The following RAB38 variants were observed in gnomAD, a reference collection of about 807,000 sequenced individuals.
RAB38 encodes the protein RAB38, member RAS oncogene family, also known as ras-related protein Rab-38.
Under a neutral mutation model 18.4 loss-of-function variants are expected in RAB38, and 15 were observed. The ratio of observed to expected loss-of-function variants is 0.82; its 90% CI spans 0.55 to 1.26. RAB38 has a LOEUF of 1.26. Ranked by LOEUF, RAB38 falls within the 50% of genes most tolerant of loss-of-function variation. The pLI is 0.00. For synonymous variants in RAB38, 101 were observed against 104.4 expected, an observed-to-expected ratio of 0.97 and a Z score of 0.20; for missense variants, 294 against 267.4, an observed-to-expected ratio of 1.10 and a Z score of -0.69.
chr11:87,844,499 G>A, the RAB38 span, among the ~76,000 whole-genome samples: 1 of 152,134 alleles, frequency 6.6e-6, no homozygotes, highest in Non-Finnish European at 1.5e-5. Context: ...TTCCCTGAAG[G>A]TACTGAGCTA....
chr11:88,093,155 G>C, the RAB38 span, among the ~76,000 whole-genome samples: 4 of 151,874 alleles, frequency 2.6e-5, no homozygotes, highest in South Asian at 8.3e-4. Flanking sequence ...ATACAGATTG[G>C]TGAGTCCCCG....
chr11:88,164,030 T>C (rs552639007), intron 1 of RAB38, among the ~76,000 whole-genome samples: 27 of 152,220 alleles, frequency 1.8e-4, no homozygotes, highest in African/African-American at 6.5e-4. Context: ...CTCATGTTTA[T>C]AATCAAATAA....
At chr11:87,893,011 A>C in the RAB38 span, among the ~76,000 whole-genome samples, 1 of 151,700 alleles carries the variant, frequency 6.6e-6, no homozygotes. Flanking sequence ...GTAAACTTAC[A>C]ACATAAGACA....
chr11:88,166,146 A>C (rs17752936), intron 1 of RAB38: 5,403 of 152,248 alleles, frequency 0.035, 144 homozygotes, highest in Non-Finnish European at 0.058. Flanking sequence ...ATAAGCATGG[A>C]AATGAACCAG....
the RAB38 span, among the ~76,000 whole-genome samples, chr11:87,914,459 C>T: frequency 6.6e-6 from 1 of 152,038 alleles, no homozygotes; most frequent in Non-Finnish European, 1.5e-5. Flanking sequence ...GCAAAGTCTC[C>T]AAGAAGTGGT....
At chr11:87,943,510 G>T in the RAB38 span, among the ~76,000 whole-genome samples, 1 of 152,088 alleles carries the variant, frequency 6.6e-6, no homozygotes, top group Admixed American at 6.6e-5. Flanking sequence ...GCAAAGCTAT[G>T]AGAAACAAAT....
chr11:88,059,129 T>C, the RAB38 span, among the ~76,000 whole-genome samples: 4 of 151,878 alleles, frequency 2.6e-5, no homozygotes, highest in African/African-American at 9.7e-5. Flanking sequence ...GTCTGTAGAA[T>C]GTGGATAACA....
chr11:87,884,486 G>A, the RAB38 span, among the ~76,000 whole-genome samples: 1 of 151,908 alleles, frequency 6.6e-6, no homozygotes, highest in Non-Finnish European at 1.5e-5. Flanking sequence ...AGAAAGATGT[G>A]CCCTGTCCTG....
intron 2 of RAB38, among the ~76,000 whole-genome samples, chr11:88,132,149 C>A (rs1232666575): frequency 6.6e-6 from 1 of 152,164 alleles, no homozygotes; most frequent in Non-Finnish European, 1.5e-5. Flanking sequence ...GGACTACTGA[C>A]CCATGGAAAC....
At chr11:88,138,540 G>A (rs1238396719) in intron 2 of RAB38, among the ~76,000 whole-genome samples, 1 of 152,160 alleles carries the variant, frequency 6.6e-6, no homozygotes, top group Non-Finnish European at 1.5e-5. Context: ...AAGAAAAATA[G>A]GGAAGAAGAG....
At chr11:87,815,220 A>C in the RAB38 span, 6 of 152,206 alleles carry the variant, frequency 3.9e-5, no homozygotes, top group Admixed American at 2.6e-4. Flanking sequence ...ATAGAATATT[A>C]TGCTTTGTTG....
chr11:87,927,592 CTCTT>C, the RAB38 span, among the ~76,000 whole-genome samples: 1 of 152,006 alleles, frequency 6.6e-6, no homozygotes, highest in African/African-American at 2.4e-5. Context: ...ATCACCCTCT[CTCTT>C]TCTTAATTTC....
At chr11:87,816,715 G>C in the RAB38 span, among the ~76,000 whole-genome samples, 1 of 152,048 alleles carries the variant, frequency 6.6e-6, no homozygotes. Flanking sequence ...GAGAAAGAGA[G>C]AGAGAGGGAG....
chr11:88,020,920 A>G, the RAB38 span, among the ~76,000 whole-genome samples: 18 of 152,234 alleles, frequency 1.2e-4, no homozygotes, highest in East Asian at 3.1e-3. Flanking sequence ...AAAACAGAAC[A>G]TATGAAAACC....
the RAB38 span, among the ~76,000 whole-genome samples, chr11:87,976,651 T>C: frequency 9.3e-6 from 1 of 108,024 alleles, no homozygotes; most frequent in Non-Finnish European, 1.7e-5. Flanking sequence ...ATATGATATA[T>C]AAATATATAT....
chr11:87,922,310 TG>T, the RAB38 span, among the ~76,000 whole-genome samples: 1 of 152,046 alleles, frequency 6.6e-6, no homozygotes, highest in South Asian at 2.1e-4. Flanking sequence ...CTATTATTTC[TG>T]GACCATCTTT....
chr11:88,026,293 C>A, the RAB38 span, among the ~76,000 whole-genome samples: 2 of 151,802 alleles, frequency 1.3e-5, no homozygotes, highest in Non-Finnish European at 2.9e-5. Context: ...GCCAGGTGCG[C>A]TGGCTCACAC....
chr11:87,861,128 A>T, the RAB38 span, among the ~76,000 whole-genome samples: 1 of 151,928 alleles, frequency 6.6e-6, no homozygotes, highest in African/African-American at 2.4e-5. Context: ...AATATTGAAA[A>T]TAAAGCCCAC....
chr11:87,857,738 G>C, the RAB38 span, among the ~76,000 whole-genome samples: 2 of 152,016 alleles, frequency 1.3e-5, no homozygotes, highest in Non-Finnish European at 2.9e-5. Flanking sequence ...AAGTTTGTTT[G>C]AGTTCTTTGT....
Sources: gnomAD v4.1 joint callset for allele counts (sites outside exome capture counted in the v4.1 genomes callset) on GRCh38, gnomAD v4.1.1 for gene constraint, MANE v1.5 for transcripts, NCBI Gene and HGNC (gene_info 2026-07-23, HGNC 2026-07-21) for gene names.